The following TENM1 variants were observed in gnomAD, a reference collection of about 807,000 sequenced individuals.
TENM1 encodes teneurin transmembrane protein 1.
TENM1 carries 35 observed loss-of-function variants against 174.8 expected under a neutral mutation model. That is an observed-to-expected ratio of 0.20 (90% CI 0.15 to 0.27). The LOEUF (loss-of-function observed/expected upper bound fraction) is 0.27, where lower values mean the gene tolerates loss of function less well. Ranked by LOEUF, TENM1 falls within the 10% of genes least tolerant of loss-of-function variation. The probability of loss-of-function intolerance (pLI) is 1.00; values close to 1 mark genes in which losing one functional copy is unlikely to be tolerated. For synonymous variants in TENM1, 781 were observed against 798.7 expected, an observed-to-expected ratio of 0.98 and a Z score of 0.37; for missense variants, 1,633 against 2,130.1, an observed-to-expected ratio of 0.77 and a Z score of 4.59.
At chrX:124,665,711 G>A (rs1457154211) in intron 6 of TENM1, among the ~76,000 whole-genome samples, 1 of 112,053 alleles carries the variant, frequency 8.9e-6, no homozygotes, top group Non-Finnish European at 1.9e-5. Flanking sequence ...TTACAGATAA[G>A]TTAGCCTTGT....
chrX:124,951,582 T>C (rs2058484607), intron 1 of TENM1, among the ~76,000 whole-genome samples: 1 of 103,361 alleles, frequency 9.7e-6, no homozygotes, highest in African/African-American at 3.5e-5. Context: ...TTGATTTTTA[T>C]GTTATGACAA....
chrX:124,823,391 A>C (rs143952034), intron 3 of TENM1, among the ~76,000 whole-genome samples: 1,227 of 111,784 alleles, frequency 0.011, 19 homozygotes, highest in African/African-American at 0.038. Flanking sequence ...TGCACATGGG[A>C]TCTTGGGCTG....
At chrX:124,406,237 T>A in intron 26 of TENM1, 80 bp downstream of exon 29, 1 of 781,963 alleles carries the variant, frequency 1.3e-6, no homozygotes, top group East Asian at 3.2e-5. Context: ...GAATTCTGTT[T>A]ATGAATGGTG....
At chrX:124,887,283 G>A (rs1453839649) in intron 3 of TENM1, among the ~76,000 whole-genome samples, 5 of 110,933 alleles carry the variant, frequency 4.5e-5, no homozygotes, top group South Asian at 3.8e-4. Context: ...TAAAAATGAC[G>A]AGGCAGATTT....
chrX:124,498,423 A>G, intron 19 of TENM1, among the ~76,000 whole-genome samples: 1 of 110,577 alleles, frequency 9.0e-6, no homozygotes, highest in Non-Finnish European at 1.9e-5. Context: ...CTTTAGGATA[A>G]AGGGCACATT....
chrX:124,523,337 T>G (rs760246417), intron 17 of TENM1, 27 bp downstream of exon 20: 1 of 1,199,675 alleles, frequency 8.3e-7, no homozygotes, highest in Non-Finnish European at 1.1e-6. Context: ...ATTATTATTT[T>G]ATACATTCAA....
intron 3 of TENM1, among the ~76,000 whole-genome samples, chrX:124,800,510 A>T (rs2055419124): frequency 1.8e-5 from 2 of 110,081 alleles, no homozygotes; most frequent in African/African-American, 6.6e-5. Flanking sequence ...TAGTCTAGTT[A>T]GTGGTCCATC....
chrX:124,718,855 G>T lies in TENM1; in HGVS notation c.777-13604C>A, dbSNP rs747363527. Among the ~76,000 whole-genome samples the T allele has an allele frequency of 4.5e-5, 5 of 112,173 alleles. No homozygotes were observed. The South Asian group carries it at 1.9e-3, about 42-fold the overall frequency. On this transcript the variant is annotated intron_variant, in intron 4 of 31. Transcript: ENST00000422452. Reference sequence around the variant, plus strand: ...GTTTCTCAAACTGGCTACAAAAAAAGTGTTTCTCAACAGGGGACCAACTGG... The same window carrying T: ...GTTTCTCAAACTGGCTACAAAAAAATTGTTTCTCAACAGGGGACCAACTGG...
intron 3 of TENM1, among the ~76,000 whole-genome samples, chrX:124,877,607 T>G (rs1339394184): frequency 9.0e-6 from 1 of 111,546 alleles, no homozygotes; most frequent in Non-Finnish European, 1.9e-5. Context: ...TCTATCAGAG[T>G]GCATTCAATA....
chrX:125,110,731 T>C, the TENM1 span, among the ~76,000 whole-genome samples: 1 of 112,016 alleles, frequency 8.9e-6, no homozygotes, highest in Non-Finnish European at 1.9e-5. Context: ...GATCCAGTGC[T>C]AATTTTTATG....
the TENM1 span, among the ~76,000 whole-genome samples, chrX:125,128,146 A>G: frequency 1.8e-5 from 2 of 111,481 alleles, no homozygotes; most frequent in Non-Finnish European, 3.8e-5. Flanking sequence ...TTTAGTAACT[A>G]AACAAATTAT....
the TENM1 span, among the ~76,000 whole-genome samples, chrX:125,046,153 A>G: frequency 1.8e-5 from 2 of 112,115 alleles, no homozygotes; most frequent in Non-Finnish European, 3.8e-5. Flanking sequence ...CACTTTTTAC[A>G]TATGTATTGA....
At chrX:124,904,330 A>C (rs761227650) in intron 1 of TENM1, among the ~76,000 whole-genome samples, 2 of 111,681 alleles carry the variant, frequency 1.8e-5, no homozygotes, top group Non-Finnish European at 3.8e-5. Flanking sequence ...TACAGAATAA[A>C]TTACATTCTA....
chrX:124,981,349 C>CTTAA, the TENM1 span, among the ~76,000 whole-genome samples: 108 of 111,706 alleles, frequency 9.7e-4, 2 homozygotes, highest in East Asian at 0.023. Context: ...AAATAACTAA[C>CTTAA]TTAAGCCCAA....
At chrX:125,020,941 G>A in the TENM1 span, among the ~76,000 whole-genome samples, 5 of 111,108 alleles carry the variant, frequency 4.5e-5, no homozygotes, top group South Asian at 3.8e-4. Context: ...TATTTCACTC[G>A]TTTCCCTCTT....
intron 1 of TENM1, among the ~76,000 whole-genome samples, chrX:124,905,313 A>G (rs185990059): frequency 1.8e-5 from 2 of 111,035 alleles, no homozygotes; most frequent in South Asian, 3.8e-4. Flanking sequence ...ATAAATAAAT[A>G]AATGAATGAA....
At chrX:124,565,191 G>A (rs776727246) in intron 12 of TENM1, among the ~76,000 whole-genome samples, 184 bp downstream of exon 15, 1 of 111,906 alleles carries the variant, frequency 8.9e-6, no homozygotes, top group East Asian at 2.8e-4. Context: ...CAAGAAATAC[G>A]TAGAATGTCA....
chrX:124,977,961 TGTGTGTGA>T, the TENM1 span, among the ~76,000 whole-genome samples: 218 of 54,425 alleles, frequency 4.0e-3, no homozygotes, highest in East Asian at 0.011. Flanking sequence ...TGTGTGTGTG[TGTGTGTGA>T]GAGAGAGAGA....
intron 18 of TENM1, among the ~76,000 whole-genome samples, chrX:124,517,719 G>A (rs2047744487): frequency 2.8e-5 from 3 of 107,656 alleles, no homozygotes; most frequent in African/African-American, 6.8e-5. Context: ...TGCATATGAC[G>A]AGTTAATGGG....
Sources: gnomAD v4.1 joint callset for allele counts (sites outside exome capture counted in the v4.1 genomes callset) on GRCh38, gnomAD v4.1.1 for gene constraint, MANE v1.5 for transcripts, NCBI Gene and HGNC (gene_info 2026-07-23, HGNC 2026-07-21) for gene names.